The following ELAVL2 variants were observed in gnomAD, a reference collection of about 807,000 sequenced individuals.
ELAVL2 encodes ELAV like RNA binding protein 2.
Under a neutral mutation model 34.6 loss-of-function variants are expected in ELAVL2, and 4 were observed. The observed-to-expected ratio is 0.12, with a 90% CI of 0.06 to 0.26. The LOEUF is 0.26. Among genes scored for constraint, ELAVL2 ranks in the 10% least tolerant of loss-of-function variants. The probability of loss-of-function intolerance (pLI) is 1.00; values close to 1 mark genes in which losing one functional copy is unlikely to be tolerated. For missense variants in ELAVL2, 432 were observed against 442.8 expected, an observed-to-expected ratio of 0.98 and a Z score of 0.22; for synonymous variants, 193 against 154.8, an observed-to-expected ratio of 1.25 and a Z score of -1.83.
At chr9:23,714,425 A>G (rs1204585545) in intron 3 of ELAVL2, among the ~76,000 whole-genome samples, 1 of 152,234 alleles carries the variant, frequency 6.6e-6, no homozygotes, top group African/African-American at 2.4e-5. Context: ...GTAAGATGAC[A>G]GCAGATGAGT....
chr9:23,740,024 A>C (rs1398852051), intron 2 of ELAVL2, among the ~76,000 whole-genome samples: 1 of 152,190 alleles, frequency 6.6e-6, no homozygotes, highest in African/African-American at 2.4e-5. Flanking sequence ...CACCAAGTCC[A>C]TGTGAAACAA....
Position 23,692,513 on chromosome 9 carries a change from G to T in ELAVL2, c.*44C>A. The T allele has an allele frequency of 1.9e-6, 3 of 1,557,552 alleles. No homozygotes were observed. Among genetic ancestry groups the T allele is most frequent in the Non-Finnish European group, 2.6e-6 (3 of 1,151,028 alleles). The stretch of plus-strand genomic sequence containing the variant: ...ATAAAGTTTCTCTTAACTTGCCTTT[G>T]TTGTATAGTTTTCATATATAAATGG... On this transcript the variant is annotated 3_prime_UTR_variant, in exon 7 of 7. Coordinates refer to ENST00000397312, the MANE Select transcript of ELAVL2 (RefSeq NM_004432.5).
chr9:23,769,031 T>C (rs1021830375), intron 1 of ELAVL2, among the ~76,000 whole-genome samples: 1 of 152,114 alleles, frequency 6.6e-6, no homozygotes, highest in Non-Finnish European at 1.5e-5. Flanking sequence ...TCTACACTTA[T>C]TTGCAACTAG....
intron 1 of ELAVL2, among the ~76,000 whole-genome samples, chr9:23,790,635 A>C (rs1011175601): frequency 6.6e-6 from 1 of 152,230 alleles, no homozygotes; most frequent in Non-Finnish European, 1.5e-5. Flanking sequence ...TACCTTGAAT[A>C]GACAGCCAAA....
chr9:23,788,219 C>A (rs1013933085), intron 1 of ELAVL2, among the ~76,000 whole-genome samples: 130 of 152,234 alleles, frequency 8.5e-4, no homozygotes, highest in African/African-American at 3.0e-3. Flanking sequence ...AAGTGAGTGA[C>A]AATAAACAGA....
At chr9:23,784,146 C>T (rs953538596) in intron 1 of ELAVL2, among the ~76,000 whole-genome samples, 3 of 151,662 alleles carry the variant, frequency 2.0e-5, no homozygotes, top group Non-Finnish European at 2.9e-5. Context: ...TGCTGTGAGC[C>T]GAGATTGCGC....
chr9:23,767,363 G>A (rs1386312174), intron 1 of ELAVL2, among the ~76,000 whole-genome samples: 1 of 152,162 alleles, frequency 6.6e-6, no homozygotes, highest in Non-Finnish European at 1.5e-5. Flanking sequence ...CTGGTCACAT[G>A]AGAGAAAAGC....
intron 1 of ELAVL2, among the ~76,000 whole-genome samples, chr9:23,784,580 T>C (rs1588477983): frequency 6.6e-6 from 1 of 152,164 alleles, no homozygotes; most frequent in Non-Finnish European, 1.5e-5. Context: ...TTACATCCAA[T>C]ATGTGGAACC....
intron 1 of ELAVL2, among the ~76,000 whole-genome samples, chr9:23,774,288 T>C (rs556448264): frequency 1.1e-3 from 172 of 150,494 alleles, no homozygotes; most frequent in African/African-American, 4.0e-3. Flanking sequence ...GGATTAAGCC[T>C]GTCAGTTTTT....
intron 1 of ELAVL2, among the ~76,000 whole-genome samples, chr9:23,787,705 A>T (rs1334791125): frequency 6.6e-6 from 1 of 152,132 alleles, no homozygotes; most frequent in Admixed American, 6.5e-5. Context: ...TTCACCCCAG[A>T]CCAATTAAAT....
Position 23,692,430 on chromosome 9 carries a change from G to T in ELAVL2, c.*127C>A. On this transcript the variant is annotated 3_prime_UTR_variant, in exon 7 of 7. Coordinates refer to ENST00000397312, the MANE Select transcript of ELAVL2 (RefSeq NM_004432.5). Reference sequence around the variant, plus strand: ...AAAAATCTCACATATTTCTTAGGATGCTAAGTAGTCATTTTATCCCCATCT... The same window carrying T: ...AAAAATCTCACATATTTCTTAGGATTCTAAGTAGTCATTTTATCCCCATCT... 2 of 924,886 alleles carry T rather than the reference G, an allele frequency of 2.2e-6. No individual in the cohort carries two copies. Among genetic ancestry groups the T allele is most frequent in the Non-Finnish European group, 3.2e-6 (2 of 628,752 alleles). 57.3% of individuals were successfully genotyped at this position (924,886 alleles called of 1,614,324 possible).
In ELAVL2 at chr9:23,733,669, T is replaced by C. The variant is rs1040192852; in HGVS notation, c.230-2544A>G. Among the ~76,000 whole-genome samples the C allele has an allele frequency of 4.6e-5, 7 of 152,202 alleles. No individual in the cohort carries two copies. In the East Asian group the frequency reaches 9.6e-4, roughly 21 times the overall value. On this transcript the variant is annotated intron_variant, in intron 2 of 6. Coordinates refer to ENST00000397312, the MANE Select transcript of ELAVL2 (RefSeq NM_004432.5). ...AGAGTGCCTACTGAGATTAGATCAC[T>C]GGGTAAAGTGAAAAGCCTGTCTTGC...
At chr9:23,816,335 AAAAAAAAAAAAG>A (rs1564581362) in intron 1 of ELAVL2, among the ~76,000 whole-genome samples, 2 of 149,498 alleles carry the variant, frequency 1.3e-5, no homozygotes, top group Admixed American at 1.3e-4. Context: ...AAAAAAAAAA[AAAAAAAAAAAAG>A]GGGATAAAAA....
At chr9:23,841,441 T>TAGG in the ELAVL2 span, among the ~76,000 whole-genome samples, 2 of 152,120 alleles carry the variant, frequency 1.3e-5, no homozygotes, top group Admixed American at 6.6e-5. Flanking sequence ...TTAGAGTTTC[T>TAGG]AGAGAAACTC....
rs3793581 is a variant in ELAVL2, at chr9:23,756,905, C to G, written c.229+5101G>C. On this transcript the variant is annotated intron_variant, in intron 2 of 6. Transcript: ENST00000397312. ...TCTGATTCAGTAGGCCTGGACAGAG[C>G]CCAGGACCGTGCATTTCTAGCACTC... is the stretch of plus-strand genomic sequence containing the variant. Among the ~76,000 whole-genome samples the G allele has an allele frequency of 1.5e-3, 229 of 152,184 alleles. 3 individuals carry two copies. The East Asian group carries it at 0.015, about 10-fold the overall frequency.
rs190793035 is a variant in ELAVL2 at position 23,785,484 on chromosome 9, T to G, written c.-15-23235A>C. On this transcript the variant is annotated intron_variant, in intron 1 of 6. Coordinates refer to ENST00000397312, the MANE Select transcript of ELAVL2 (RefSeq NM_004432.5). Reference sequence around the variant, plus strand: ...CACAGCTGCACCTACAAGTCAAATATAGGCAAAATGAAACATTTTTAATCA... The same window carrying G: ...CACAGCTGCACCTACAAGTCAAATAGAGGCAAAATGAAACATTTTTAATCA... Among the ~76,000 whole-genome samples, 3 of 152,312 alleles carry G rather than the reference T, an allele frequency of 2.0e-5. No individual in the cohort carries two copies. The East Asian group carries it at 5.8e-4, about 29-fold the overall frequency.
intron 1 of ELAVL2, among the ~76,000 whole-genome samples, chr9:23,763,992 G>T (rs948013790): frequency 2.0e-5 from 3 of 152,238 alleles, no homozygotes; most frequent in African/African-American, 7.2e-5. Flanking sequence ...CAAGATATGG[G>T]TTTTATTATA....
At chr9:23,734,667 T>G (rs894141203) in intron 2 of ELAVL2, among the ~76,000 whole-genome samples, 1 of 152,212 alleles carries the variant, frequency 6.6e-6, no homozygotes, top group Non-Finnish European at 1.5e-5. Flanking sequence ...CTTCTGTACC[T>G]TTTATACAAA....
chr9:23,736,296 C>G (rs982363891), intron 2 of ELAVL2, among the ~76,000 whole-genome samples: 1 of 152,096 alleles, frequency 6.6e-6, no homozygotes, highest in Non-Finnish European at 1.5e-5. Context: ...ACAAGAGTCA[C>G]CCTACAAATT....
Sources: allele counts gnomAD v4.1 joint callset (sites outside exome capture counted in the v4.1 genomes callset), GRCh38; gene constraint gnomAD v4.1.1; transcripts MANE v1.5; gene names NCBI Gene and HGNC (gene_info 2026-07-23, HGNC 2026-07-21).